The following PDE4C variants were observed in gnomAD, a reference collection of about 807,000 sequenced individuals.
PDE4C encodes phosphodiesterase 4C.
In PDE4C, 50 loss-of-function variants were observed where a neutral mutation model predicts 63.9. The observed-to-expected ratio is 0.78, with a 90% CI of 0.62 to 0.99. The LOEUF (loss-of-function observed/expected upper bound fraction) is 0.99, where lower values mean the gene tolerates loss of function less well. PDE4C is among the 50% of genes least tolerant of loss of function. The pLI is 0.00. For synonymous variants in PDE4C, 377 were observed against 385.1 expected, an observed-to-expected ratio of 0.98 and a Z score of 0.25; for missense variants, 777 against 899.1, an observed-to-expected ratio of 0.86 and a Z score of 1.74.
chr19:18,239,332 G>A (rs1190088195), intron 1 of PDE4C, among the ~76,000 whole-genome samples: 1 of 152,204 alleles, frequency 6.6e-6, no homozygotes, highest in East Asian at 1.9e-4. Context: ...GTAAATGCTG[G>A]ATACATTTTA....
chr19:18,234,067 T>A (rs1968906087), upstream of PDE4C, among the ~76,000 whole-genome samples: 1 of 152,124 alleles, frequency 6.6e-6, no homozygotes, highest in South Asian at 2.1e-4. Context: ...AGAGGCTACC[T>A]CTGGCCAGAG....
At chr19:18,232,351 A>C (rs1306394963) in intron 1 of PDE4C, among the ~76,000 whole-genome samples, 1 of 151,546 alleles carries the variant, frequency 6.6e-6, no homozygotes, top group Non-Finnish European at 1.5e-5. Context: ...CAACAGAATG[A>C]GACTCTGTCT....
the PDE4C span, among the ~76,000 whole-genome samples, chr19:18,253,440 A>G: frequency 7.2e-4 from 109 of 152,116 alleles, no homozygotes; most frequent in African/African-American, 2.4e-3. Context: ...AGTCCCAGCT[A>G]CTCAGGAGGC....
chr19:18,234,754 T>A (rs1183358557), upstream of PDE4C, among the ~76,000 whole-genome samples: 2 of 152,026 alleles, frequency 1.3e-5, no homozygotes, highest in Non-Finnish European at 2.9e-5. Flanking sequence ...CCCAGCCATG[T>A]CCCCAGGTTG....
chr19:18,238,238 C>T (rs1348527492), upstream of PDE4C, among the ~76,000 whole-genome samples: 13 of 141,386 alleles, frequency 9.2e-5, no homozygotes, highest in East Asian at 1.4e-3. Flanking sequence ...CTCTCTCTCT[C>T]TTTTTTTTTT....
chr19:18,237,476 G>A (rs1244495138), upstream of PDE4C, among the ~76,000 whole-genome samples: 1 of 152,074 alleles, frequency 6.6e-6, no homozygotes, highest in Non-Finnish European at 1.5e-5. Context: ...GCTTGAACCT[G>A]GGAGGCGGAG....
At chr19:18,222,096 G>A in intron 2 of PDE4C, 36 bp downstream of exon 2, 1 of 1,551,666 alleles carries the variant, frequency 6.4e-7, no homozygotes, top group Non-Finnish European at 8.8e-7. Context: ...AGGAGGGAGG[G>A]TAGAGGCGGT....
intron 12 of PDE4C, among the ~76,000 whole-genome samples, chr19:18,213,881 C>T (rs1968079172): frequency 6.6e-6 from 1 of 152,186 alleles, no homozygotes; most frequent in Admixed American, 6.5e-5. Context: ...ACCAATCCAG[C>T]CTCCAGATCT....
exon 3 of PDE4C, chr19:18,221,287 C>G (rs147388938): frequency 1.3e-6 from 2 of 1,542,340 alleles, no homozygotes; most frequent in South Asian, 2.5e-5. Context: ...ACAATCATGT[C>G]CTCTCCATGT....
rs1280123442 is a variant in PDE4C, at chr19:18,220,498, G to C, written c.517C>G (p.Leu173Val). ...AGCTCGTCTAGCGTCTCCAATGCCA[G>C]CTTCTGCCCCGTGTCCTCTGGGAGC... The change falls in exon 6 of 15, where the codon CTG (leucine) becomes GTG (valine). Residue 173 changes from leucine to valine, a missense_variant. By Grantham distance (32) the Leu-to-Val change is conservative. Transcript: ENST00000262805. This position sits in a 1 kb window ranked among gnomAD's most constrained non-coding sequence, Gnocchi z 5.1. 1 of 1,614,040 alleles carries C rather than the reference G, an allele frequency of 6.2e-7. No individual in the cohort carries two copies. The highest frequency in any genetic ancestry group is 1.7e-5 in the Admixed American group (1 of 59,996).
upstream of PDE4C, chr19:18,252,153 G>T: frequency 7.5e-6 from 3 of 399,304 alleles, no homozygotes; most frequent in East Asian, 1.1e-4. Flanking sequence ...CGGGGTCAGG[G>T]ATTCGGAACT....
chr19:18,225,698 C>T, intron 1 of PDE4C: 1 of 153,178 alleles, frequency 6.5e-6, no homozygotes, highest in Non-Finnish European at 1.5e-5. Context: ...TTAGAGGATG[C>T]AGCGCAAGCA....
At position 18,215,923 on chromosome 19, in the gene PDE4C, G is replaced by A. The variant is rs191011478; in HGVS notation, c.1389+818C>T. Among the ~76,000 whole-genome samples the A allele has an allele frequency of 1.3e-4, 20 of 149,124 alleles. 1 individual carries two copies. Among genetic ancestry groups the A allele is most frequent in the African/African-American group, 4.7e-4 (19 of 40,460 alleles). ...CCGCTCACTGCCACCTCCACCTCCC[G>A]GGTTCAAGCGATTCTCCTGCCTCAG... On this transcript the variant is annotated intron_variant, in intron 12 of 14. Transcript: ENST00000262805.
At chr19:18,232,374 CGTGTGTGTGTGTGT>C (rs4006742) in intron 1 of PDE4C, among the ~76,000 whole-genome samples, 12 of 149,848 alleles carry the variant, frequency 8.0e-5, no homozygotes, top group Non-Finnish European at 1.0e-4. Context: ...AAAATAAAAA[CGTGTGTGTGTGTGT>C]GTGTGTGTGT....
intron 14 of PDE4C, 84 bp from the exon 15 acceptor site, chr19:18,211,360 G>C: frequency 8.4e-7 from 1 of 1,197,344 alleles, no homozygotes; most frequent in South Asian, 1.6e-5. Flanking sequence ...CTTTAGCCAA[G>C]TTGTTCCCTC....
At chr19:18,221,645 G>A (rs550613339) in intron 2 of PDE4C, among the ~76,000 whole-genome samples, 2 of 151,940 alleles carry the variant, frequency 1.3e-5, no homozygotes, top group South Asian at 4.2e-4. Flanking sequence ...TGTTTTCTGA[G>A]GCAGACTCTT....
At chr19:18,226,067 A>G (rs182084745) in intron 1 of PDE4C, among the ~76,000 whole-genome samples, 5 of 152,310 alleles carry the variant, frequency 3.3e-5, no homozygotes, top group African/African-American at 1.2e-4. Context: ...ACAGAGAGAG[A>G]CAGAGTCACC....
upstream of PDE4C, among the ~76,000 whole-genome samples, chr19:18,251,128 CT>C (rs71164389): frequency 0.3 from 45,439 of 149,040 alleles, 7,091 homozygotes; most frequent in South Asian, 0.43. Flanking sequence ...GAGATAGAGT[CT>C]TTTTTTTCCC....
chr19:18,242,698 T>C (rs1427110874), intron 1 of PDE4C, among the ~76,000 whole-genome samples: 1 of 150,870 alleles, frequency 6.6e-6, no homozygotes, highest in Non-Finnish European at 1.5e-5. Context: ...CGTAAGGGAA[T>C]TGCTTGAACC....
Sources: gnomAD v4.1 joint callset for allele counts (sites outside exome capture counted in the v4.1 genomes callset) on GRCh38, gnomAD v4.1.1 for gene constraint, Gnocchi (gnomAD v3.1) non-coding constraint, MANE v1.5 for transcripts, NCBI Gene and HGNC (gene_info 2026-07-23, HGNC 2026-07-21) for gene names.